The following UBR1 variants were observed in gnomAD, a reference collection of about 807,000 sequenced individuals.
The protein encoded by UBR1 is E3 ubiquitin-protein ligase UBR1.
In UBR1, 102 loss-of-function variants were observed where a neutral mutation model predicts 242.1. The ratio of observed to expected loss-of-function variants is 0.42; its 90% CI spans 0.36 to 0.50. UBR1 has a LOEUF of 0.50. UBR1 is among the 20% of genes least tolerant of loss of function. UBR1 has a pLI of 0.01. For synonymous variants in UBR1, 675 were observed against 684.8 expected, an observed-to-expected ratio of 0.99 and a Z score of 0.22; for missense variants, 1,772 against 2,101.8, an observed-to-expected ratio of 0.84 and a Z score of 3.07.
chr15:43,066,764 A>T (rs1450243553), intron 6 of UBR1, among the ~76,000 whole-genome samples: 4 of 152,172 alleles, frequency 2.6e-5, no homozygotes, highest in Non-Finnish European at 4.4e-5. Flanking sequence ...TGCATACCCC[A>T]TAGCAAATCA....
At chr15:43,007,910 A>T (rs1287169097) in intron 29 of UBR1, among the ~76,000 whole-genome samples, 1 of 152,194 alleles carries the variant, frequency 6.6e-6, no homozygotes, top group Non-Finnish European at 1.5e-5. Flanking sequence ...TTTGGTCGCT[A>T]TTCAAACTAA....
intron 37 of UBR1, among the ~76,000 whole-genome samples, chr15:42,978,287 T>C (rs1300957632): frequency 6.6e-6 from 1 of 152,234 alleles, no homozygotes; most frequent in East Asian, 1.9e-4. Flanking sequence ...TCACTTGTTT[T>C]CTGACTTCCA....
At chr15:43,017,929 T>C (rs1191303669) in intron 27 of UBR1, among the ~76,000 whole-genome samples, 1 of 151,970 alleles carries the variant, frequency 6.6e-6, no homozygotes, top group Non-Finnish European at 1.5e-5. Flanking sequence ...GATCTTACCA[T>C]ACATACTGTT....
At chr15:43,049,512 G>A (rs931100443) in intron 12 of UBR1, among the ~76,000 whole-genome samples, 48 of 152,098 alleles carry the variant, frequency 3.2e-4, no homozygotes, top group African/African-American at 1.1e-3. Context: ...GCAGTGAGCC[G>A]AGATCGCAAC....
intron 37 of UBR1, among the ~76,000 whole-genome samples, chr15:42,979,800 C>T (rs924306189): frequency 1.3e-5 from 2 of 152,048 alleles, no homozygotes; most frequent in Admixed American, 6.5e-5. Flanking sequence ...TCAAGAGGTC[C>T]ACCTCCCCTG....
intron 36 of UBR1, 127 bp downstream of exon 36, chr15:42,984,760 T>C (rs1466857979): frequency 4.8e-6 from 4 of 832,170 alleles, no homozygotes; most frequent in African/African-American, 1.7e-5. Context: ...AGTTCCTTTT[T>C]TCCCCACTAT....
chr15:43,083,482 G>A (rs1161627852), intron 2 of UBR1, among the ~76,000 whole-genome samples: 1 of 152,048 alleles, frequency 6.6e-6, no homozygotes, highest in Non-Finnish European at 1.5e-5. Flanking sequence ...CCAGGTTCAA[G>A]TGATTCTCGA....
intron 1 of UBR1, among the ~76,000 whole-genome samples, chr15:43,096,260 G>A (rs1467512443): frequency 1.3e-5 from 2 of 150,638 alleles, no homozygotes; most frequent in African/African-American, 4.9e-5. Flanking sequence ...TGCAATCTCC[G>A]CCTGCCGGAT....
chr15:43,080,384 C>T (rs986354522), intron 3 of UBR1, among the ~76,000 whole-genome samples: 24 of 152,234 alleles, frequency 1.6e-4, no homozygotes, highest in African/African-American at 5.8e-4. Context: ...CCCCCAGCCA[C>T]TAGCAACCAC....
At chr15:43,048,176 AC>A (rs1406560036) in intron 13 of UBR1, among the ~76,000 whole-genome samples, 1 of 151,170 alleles carries the variant, frequency 6.6e-6, no homozygotes, top group Non-Finnish European at 1.5e-5. Flanking sequence ...ACAGAGCGAG[AC>A]TCTGTCTTCG....
rs1216649445 is a variant in UBR1 at position 43,074,995 on chromosome 15, G to A, written c.512C>T (p.Ala171Val). The A allele has an allele frequency of 1.2e-6, 2 of 1,613,332 alleles. No homozygotes were observed. Among genetic ancestry groups the A allele is most frequent in the African/African-American group, 1.3e-5 (1 of 75,000 alleles). ...PFCVNHEPGR[A>V]GTIKENSRCP... is the part of the protein sequence containing the mutation. ...CATTCTTACCTCTTTTATAGTACCTGCTCTTCCAGGTTCATGATTTACACA... is the reference window on the plus strand; with the variant it reads ...CATTCTTACCTCTTTTATAGTACCTACTCTTCCAGGTTCATGATTTACACA... Residue 171 changes from alanine to valine, a missense_variant, in exon 4 of 47, where the codon GCA (alanine) becomes GTA (valine). Transcript: ENST00000290650.
chr15:43,026,284 T>C (rs1567129917), intron 23 of UBR1: 1 of 319,076 alleles, frequency 3.1e-6, no homozygotes, highest in Non-Finnish European at 5.8e-6. Context: ...TAAAGAAACA[T>C]GACAATCAAA....
chr15:43,035,968 T>C (rs1017947809), intron 19 of UBR1, among the ~76,000 whole-genome samples: 3 of 149,774 alleles, frequency 2.0e-5, no homozygotes, highest in African/African-American at 7.3e-5. Flanking sequence ...TTGGGAGATA[T>C]ACCTAATGCT....
intron 33 of UBR1, among the ~76,000 whole-genome samples, chr15:42,993,837 C>G (rs1489822694): frequency 8.0e-6 from 1 of 124,526 alleles, no homozygotes; most frequent in East Asian, 2.4e-4. Context: ...GACTCCATCT[C>G]AAAAAAAAAA....
intron 27 of UBR1, chr15:43,021,003 C>T (rs1333417717): frequency 2.7e-6 from 1 of 364,106 alleles, no homozygotes; most frequent in South Asian, 2.6e-5. Context: ...ACCTTGTCTG[C>T]CTTGTTCCAT....
intron 1 of UBR1, among the ~76,000 whole-genome samples, chr15:43,089,500 AAAAT>A (rs201033072): frequency 6.6e-6 from 1 of 152,142 alleles, no homozygotes; most frequent in East Asian, 1.9e-4. Context: ...ATCTCAACCA[AAAAT>A]AAATAAATAA....
intron 1 of UBR1, among the ~76,000 whole-genome samples, chr15:43,090,558 A>G (rs2034094693): frequency 6.6e-6 from 1 of 152,082 alleles, no homozygotes; most frequent in Admixed American, 6.6e-5. Context: ...ACTAACATAG[A>G]GATAATATCT....
chr15:43,050,292 A>C (rs1286932830), intron 12 of UBR1, among the ~76,000 whole-genome samples: 2 of 152,222 alleles, frequency 1.3e-5, no homozygotes, highest in Non-Finnish European at 2.9e-5. Context: ...CAGCAAAGGA[A>C]ACTATCAACA....
chr15:43,058,098 CG>C (rs2033640412), intron 10 of UBR1, among the ~76,000 whole-genome samples: 2 of 151,906 alleles, frequency 1.3e-5, no homozygotes, highest in South Asian at 4.2e-4. Flanking sequence ...GTAGTAGAGA[CG>C]GGGTTTCACC....
Sources: allele counts gnomAD v4.1 joint callset (sites outside exome capture counted in the v4.1 genomes callset), GRCh38; gene constraint gnomAD v4.1.1; transcripts MANE v1.5; gene names NCBI Gene and HGNC (gene_info 2026-07-23, HGNC 2026-07-21).